NMNAT3: variants seen among roughly 807,000 people sequenced by gnomAD.
NMNAT3 encodes the protein nicotinamide nucleotide adenylyltransferase 3, also known as nicotinamide/nicotinic acid mononucleotide adenylyltransferase 3.
NMNAT3 carries 21 observed loss-of-function variants against 24.8 expected under a neutral mutation model. That is an observed-to-expected ratio of 0.85 (90% CI 0.60 to 1.22). NMNAT3 has a LOEUF of 1.22. NMNAT3 is among the 50% of genes most tolerant of loss of function. The pLI is 0.00. For missense variants in NMNAT3, 387 were observed against 436.6 expected (o/e 0.89, Z 1.01); for synonymous variants, 136 against 155.2 (o/e 0.88, Z 0.92).
chr3:139,618,969 G>A (rs77294997), intron 3 of NMNAT3, among the ~76,000 whole-genome samples: 328 of 152,232 alleles, frequency 2.2e-3, no homozygotes, highest in Non-Finnish European at 3.9e-3. Context: ...GCACTGGAAC[G>A]TGATTCTCCT....
At chr3:139,583,427 G>A in intron 3 of NMNAT3, 4 of 1,591,768 alleles carry the variant, frequency 2.5e-6, no homozygotes, top group Non-Finnish European at 3.4e-6. Context: ...GAGACATTTT[G>A]ATCTCCCACT....
chr3:139,630,689 G>A (rs2056258606), intron 2 of NMNAT3, among the ~76,000 whole-genome samples: 1 of 152,172 alleles, frequency 6.6e-6, no homozygotes, highest in African/African-American at 2.4e-5. Flanking sequence ...AAAGCTCTCA[G>A]CCTAGGCGGG....
At chr3:139,668,349 G>T (rs2057652500) in intron 1 of NMNAT3, among the ~76,000 whole-genome samples, 1 of 152,164 alleles carries the variant, frequency 6.6e-6, no homozygotes, top group African/African-American at 2.4e-5. Context: ...AAATCTCAAT[G>T]CATTTCCATT....
chr3:139,575,694 T>G (rs908421439), intron 5 of NMNAT3: 2 of 1,025,132 alleles, frequency 2.0e-6, no homozygotes, highest in Non-Finnish European at 2.3e-6. Flanking sequence ...GGACTTCCAC[T>G]GCGCCTCTAT....
chr3:139,598,715 A>G (rs968801407), intron 3 of NMNAT3, among the ~76,000 whole-genome samples: 3 of 152,188 alleles, frequency 2.0e-5, no homozygotes, highest in Non-Finnish European at 4.4e-5. Flanking sequence ...TACACCAGTA[A>G]GTTTGGGGTG....
At chr3:139,594,865 G>A (rs1034412067) in intron 3 of NMNAT3, among the ~76,000 whole-genome samples, 2 of 152,116 alleles carry the variant, frequency 1.3e-5, no homozygotes, top group African/African-American at 4.8e-5. Flanking sequence ...ATACTGAATG[G>A]GCAAAAACTG....
In NMNAT3 at chr3:139,561,201, G is replaced by T; in HGVS notation, c.850C>A (p.His284Asn). ...TTCTGCACAGGCTCCTTGGCCAGGT[G>T]AATGTTGTGCTGGTGCATCCGTAGG... Residue 284 changes from histidine (H) to asparagine (N), a missense_variant, in exon 7 of 7, where the codon CAC becomes AAC. His to Asn is a moderately conservative substitution (Grantham distance 68, BLOSUM62 1). Around this residue, in one of 3 missense-constraint regions of NMNAT3, gnomAD observed 323 missense variants for 345.2 expected, o/e 0.94. Coordinates refer to ENST00000643695, the MANE Select transcript of NMNAT3 (RefSeq NM_001320510.2). 6.2e-7 allele frequency: 1 copy of T among 1,614,228 alleles called. No individual in the cohort carries two copies. Among genetic ancestry groups the T allele is most frequent in the Non-Finnish European group, 8.5e-7 (1 of 1,180,040 alleles).
intron 1 of NMNAT3, among the ~76,000 whole-genome samples, chr3:139,641,207 C>T (rs1160917175): frequency 6.6e-6 from 1 of 152,202 alleles, no homozygotes; most frequent in African/African-American, 2.4e-5. Flanking sequence ...TATACACAAA[C>T]CTCCAGCTAA....
chr3:139,662,408 A>G (rs2057444942), intron 1 of NMNAT3, among the ~76,000 whole-genome samples: 1 of 152,158 alleles, frequency 6.6e-6, no homozygotes, highest in South Asian at 2.1e-4. Context: ...TGTTATGAAG[A>G]TTAAATGAGA....
At chr3:139,566,203 G>A (rs1055252413) in intron 6 of NMNAT3, 4 of 152,124 alleles carry the variant, frequency 2.6e-5, no homozygotes, top group African/African-American at 9.7e-5. Flanking sequence ...ACTTTCTGAT[G>A]GAGTTGTTTG....
intron 3 of NMNAT3, among the ~76,000 whole-genome samples, chr3:139,596,008 A>G (rs2054437355): frequency 6.6e-6 from 1 of 152,234 alleles, no homozygotes; most frequent in Non-Finnish European, 1.5e-5. Context: ...AGAAACTACC[A>G]TCAGACTGAA....
chr3:139,570,022 C>G (rs1409486922), intron 6 of NMNAT3: 7 of 152,170 alleles, frequency 4.6e-5, no homozygotes, highest in Admixed American at 1.3e-4. Flanking sequence ...TCCCATATTT[C>G]TTGGAGGCTT....
chr3:139,666,779 C>G (rs1450890000), intron 1 of NMNAT3, among the ~76,000 whole-genome samples: 1 of 152,164 alleles, frequency 6.6e-6, no homozygotes, highest in East Asian at 1.9e-4. Context: ...TATGATCATT[C>G]TACTCAACCT....
intron 4 of NMNAT3, among the ~76,000 whole-genome samples, chr3:139,579,345 C>G (rs1023743854): frequency 4.6e-5 from 7 of 152,300 alleles, no homozygotes; most frequent in Middle Eastern, 3.4e-3. Context: ...GGGTCCCATA[C>G]AGCAGTGAGG....
intron 1 of NMNAT3, among the ~76,000 whole-genome samples, chr3:139,653,408 CATT>C (rs1381626664): frequency 2.0e-5 from 3 of 152,064 alleles, no homozygotes; most frequent in Non-Finnish European, 4.4e-5. Flanking sequence ...GAGTTGAAGC[CATT>C]ATTTTCTGAG....
At chr3:139,566,989 C>G (rs1298041743) in intron 6 of NMNAT3, 2 of 151,896 alleles carry the variant, frequency 1.3e-5, no homozygotes, top group African/African-American at 4.8e-5. Context: ...TTCTTCCTAC[C>G]CATGAGCATG....
Position 139,575,938 on chromosome 3 carries a change from G to A in NMNAT3, c.576-2258C>T, listed in dbSNP as rs1426714556. Reference sequence around the variant, plus strand: ...AGAGCTCCACAGATGGGAGCTCCACGTCCTATTTGTGTGTGACCGTGATTA... The same window carrying A: ...AGAGCTCCACAGATGGGAGCTCCACATCCTATTTGTGTGTGACCGTGATTA... On this transcript the variant is annotated intron_variant, in intron 5 of 6. Transcript: ENST00000643695. 36 of 1,288,350 alleles carry A rather than the reference G, an allele frequency of 2.8e-5. 1 individual carries two copies. The South Asian group carries it at 3.2e-4, about 11-fold the overall frequency. 79.8% of individuals were successfully genotyped at this position (1,288,350 alleles called of 1,614,324 possible).
intron 1 of NMNAT3, among the ~76,000 whole-genome samples, chr3:139,664,844 A>T (rs2108437805): frequency 6.6e-6 from 1 of 152,348 alleles, no homozygotes; most frequent in Admixed American, 6.5e-5. Flanking sequence ...AAAACAATTT[A>T]TATTCCTTAA....
chr3:139,595,658 A>T (rs1036065365), intron 3 of NMNAT3, among the ~76,000 whole-genome samples: 32 of 152,300 alleles, frequency 2.1e-4, no homozygotes, highest in African/African-American at 7.2e-4. Context: ...ATAACGCCGC[A>T]TATCTACAAC....
Sources: allele counts gnomAD v4.1 joint callset (sites outside exome capture counted in the v4.1 genomes callset), GRCh38; gene constraint gnomAD v4.1.1; regional missense constraint gnomAD v4.1.1; transcripts MANE v1.5; gene names NCBI Gene and HGNC (gene_info 2026-07-23, HGNC 2026-07-21).